The following DLG2 variants were observed in gnomAD, a reference collection of about 807,000 sequenced individuals.
The protein encoded by DLG2 is discs large MAGUK scaffold protein 2.
A neutral mutation model predicts 132.5 loss-of-function variants in DLG2; 45 were observed. The observed-to-expected ratio is 0.34, with a 90% CI of 0.27 to 0.44. The LOEUF is 0.44. Among genes scored for constraint, DLG2 ranks in the 20% least tolerant of loss-of-function variants. DLG2 has a pLI of 1.00. For synonymous variants in DLG2, 424 were observed against 419.6 expected (o/e 1.01, Z -0.13); for missense variants, 1,045 against 1,196.9 (o/e 0.87, Z 1.87).
intron 6 of DLG2, among the ~76,000 whole-genome samples, chr11:84,715,341 A>T (rs1172348678): frequency 6.6e-6 from 1 of 152,078 alleles, no homozygotes; most frequent in Non-Finnish European, 1.5e-5. Context: ...TAATTAACAT[A>T]CCCATTATCT....
intron 3 of DLG2, among the ~76,000 whole-genome samples, chr11:85,367,399 G>A (rs1025916995): frequency 5.3e-5 from 8 of 152,086 alleles, no homozygotes; most frequent in African/African-American, 1.7e-4. Flanking sequence ...ATTAGCATCT[G>A]TGTCATATGG....
At position 84,149,078 on chromosome 11, in the gene DLG2, G is replaced by A. The variant is rs562379690; in HGVS notation, c.624+14383C>T. On this transcript the variant is annotated intron_variant, in intron 9 of 27. Transcript: ENST00000376104. The stretch of plus-strand genomic sequence containing the variant: ...TTTTAGTGGAGTTATTTGTCTTTTG[G>A]CCTGTTTATTTGTTTAAATTCCTTG... 3.3e-5 allele frequency among the ~76,000 whole-genome samples: 5 copies of A among 151,968 alleles called. No homozygotes were observed. In the East Asian group the frequency reaches 9.7e-4, roughly 30 times the overall value.
Position 84,223,556 on chromosome 11 carries a change from CTT to C in DLG2, c.573+27680_573+27681del, listed in dbSNP as rs5793116. ...TCATTAATTGGGAAAATTTATGTGA[CTT>C]TTTTTTTTTTTTTTTTGAGGCAGAG... is the stretch of plus-strand genomic sequence containing the variant. On this transcript the variant is annotated intron_variant, in intron 8 of 27. Coordinates refer to ENST00000376104, the MANE Select transcript of DLG2 (RefSeq NM_001142699.3). Among the ~76,000 whole-genome samples, 204 of 131,498 alleles carry C rather than the reference CTT, an allele frequency of 1.6e-3. 1 individual carries two copies. Among genetic ancestry groups the C allele is most frequent in the African/African-American group, 4.0e-3 (141 of 35,336 alleles). 86.3% of individuals were successfully genotyped at this position (131,498 alleles called of 152,430 possible). A position where few individuals can be genotyped will look rare whatever the true frequency, so the allele number is the denominator to read the frequency against.
chr11:85,279,270 T>C (rs1235848820), intron 4 of DLG2, among the ~76,000 whole-genome samples: 1 of 151,962 alleles, frequency 6.6e-6, no homozygotes, highest in Non-Finnish European at 1.5e-5. Context: ...AACCAATGTG[T>C]GCAAAGGTAG....
chr11:84,349,364 C>T (rs115997735), intron 7 of DLG2, among the ~76,000 whole-genome samples: 124 of 152,196 alleles, frequency 8.1e-4, no homozygotes, highest in African/African-American at 2.8e-3. Flanking sequence ...ACTTTAGTAA[C>T]CAGATGAAGT....
At chr11:84,203,618 T>C (rs1298615324) in intron 8 of DLG2, among the ~76,000 whole-genome samples, 2 of 149,944 alleles carry the variant, frequency 1.3e-5, no homozygotes, top group Non-Finnish European at 3.0e-5. Context: ...ATCATATCCT[T>C]TGCAGCAGGG....
In DLG2 at chr11:85,207,471, G is replaced by C. The variant is rs373169082; in HGVS notation, c.187-52820C>G. 2.0e-5 allele frequency among the ~76,000 whole-genome samples: 3 copies of C among 152,166 alleles called. No individual in the cohort carries two copies. In the East Asian group the frequency reaches 5.8e-4, roughly 29 times the overall value. ...CTTCTATATTTTTTATTCTTCATCAGTAGCATTTGAGCTACCAACTTCTGG... is the reference window on the plus strand; with the variant it reads ...CTTCTATATTTTTTATTCTTCATCACTAGCATTTGAGCTACCAACTTCTGG... On this transcript the variant is annotated intron_variant, in intron 4 of 27. Coordinates refer to ENST00000376104, the MANE Select transcript of DLG2 (RefSeq NM_001142699.3).
chr11:83,521,171 G>T (rs2095471315), intron 21 of DLG2, among the ~76,000 whole-genome samples: 1 of 152,144 alleles, frequency 6.6e-6, no homozygotes. Flanking sequence ...AACAGTGTCT[G>T]GCTGTGTGAC....
rs570510940 is a variant in DLG2 at position 83,599,860 on chromosome 11, A to G, written c.1940+33351T>C. Among the ~76,000 whole-genome samples, 8 of 152,326 alleles carry G rather than the reference A, an allele frequency of 5.3e-5. No individual in the cohort carries two copies. The South Asian group carries it at 1.7e-3, about 32-fold the overall frequency. On this transcript the variant is annotated intron_variant, in intron 19 of 27. Transcript: ENST00000376104. The stretch of plus-strand genomic sequence containing the variant: ...TTTGGAAGAACTAAACTAATGTTAA[A>G]TAGGTTTTGCATGAGGGGCTGTAGA...
chr11:85,481,871 C>T (rs2093301629), intron 3 of DLG2, among the ~76,000 whole-genome samples: 1 of 151,988 alleles, frequency 6.6e-6, no homozygotes, highest in African/African-American at 2.4e-5. Flanking sequence ...CCCCCTGCAG[C>T]CCCAGACTCC....
intron 3 of DLG2, among the ~76,000 whole-genome samples, chr11:85,562,586 G>A (rs145933750): frequency 5.9e-5 from 9 of 151,912 alleles, no homozygotes; most frequent in Admixed American, 5.3e-4. Context: ...TAATCCAGAA[G>A]CTCATGTTTT....
chr11:85,562,345 C>T lies in DLG2; in HGVS notation c.40+36312G>A, dbSNP rs142713188. 3.4e-4 allele frequency among the ~76,000 whole-genome samples: 51 copies of T among 151,792 alleles called. 1 individual carries two copies. The highest frequency in any genetic ancestry group is 5.3e-4 in the Admixed American group (8 of 15,206). On this transcript the variant is annotated intron_variant, in intron 3 of 27. Transcript: ENST00000376104. Reference sequence around the variant, plus strand: ...TTAGAGCTAAGAATTCCTTGGGTATCAGTGAGAAGAGAAAATGAGAGAAGG... The same window carrying T: ...TTAGAGCTAAGAATTCCTTGGGTATTAGTGAGAAGAGAAAATGAGAGAAGG...
At chr11:85,097,993 T>C (rs1473496794) in intron 6 of DLG2, among the ~76,000 whole-genome samples, 2 of 152,214 alleles carry the variant, frequency 1.3e-5, no homozygotes, top group Non-Finnish European at 2.9e-5. Context: ...AAGCCATTCT[T>C]TAAAAATAAG....
chr11:84,181,726 G>C (rs1259084780), intron 8 of DLG2, among the ~76,000 whole-genome samples: 1 of 152,116 alleles, frequency 6.6e-6, no homozygotes, highest in Non-Finnish European at 1.5e-5. Context: ...AGTGGGAGTA[G>C]CTATATTAAT....
chr11:84,714,083 T>C (rs928214479), intron 6 of DLG2, among the ~76,000 whole-genome samples: 1 of 152,032 alleles, frequency 6.6e-6, no homozygotes. Flanking sequence ...AGTTTTTACA[T>C]CTAGTCCTCT....
intron 9 of DLG2, among the ~76,000 whole-genome samples, chr11:84,152,686 T>C (rs1302284875): frequency 1.3e-5 from 2 of 152,046 alleles, no homozygotes; most frequent in African/African-American, 4.8e-5. Flanking sequence ...GCGCCCGGCC[T>C]CTTTTTTGTT....
chr11:83,659,823 A>C (rs141388835), intron 18 of DLG2, among the ~76,000 whole-genome samples: 1 of 152,336 alleles, frequency 6.6e-6, no homozygotes, highest in African/African-American at 2.4e-5. Context: ...TTGATCTTGT[A>C]CTAAATTGTA....
At chr11:84,122,279 C>T (rs1248672719) in intron 9 of DLG2, among the ~76,000 whole-genome samples, 2 of 152,134 alleles carry the variant, frequency 1.3e-5, no homozygotes, top group African/African-American at 4.8e-5. Flanking sequence ...AAGATCGCGT[C>T]ACTGCACTCC....
chr11:85,390,255 GGA>G (rs2086684190), intron 3 of DLG2, among the ~76,000 whole-genome samples: 1 of 151,592 alleles, frequency 6.6e-6, no homozygotes, highest in South Asian at 2.1e-4. Context: ...GAAAAAAAAA[GGA>G]GAGACATTAT....
Sources: gnomAD v4.1 joint callset for allele counts (sites outside exome capture counted in the v4.1 genomes callset) on GRCh38, gnomAD v4.1.1 for gene constraint, MANE v1.5 for transcripts, NCBI Gene and HGNC (gene_info 2026-07-23, HGNC 2026-07-21) for gene names.